The following DYNC1H1 variants were observed in gnomAD, a reference collection of about 807,000 sequenced individuals.
DYNC1H1 encodes cytoplasmic dynein 1 heavy chain 1.
In DYNC1H1, 51 loss-of-function variants were observed where a neutral mutation model predicts 527.1. The observed-to-expected ratio is 0.10, with a 90% CI of 0.08 to 0.12. The LOEUF is 0.12. Ranked by LOEUF, DYNC1H1 falls within the 10% of genes least tolerant of loss-of-function variation. The probability of loss-of-function intolerance (pLI) is 1.00; values close to 1 mark genes in which losing one functional copy is unlikely to be tolerated. For missense variants in DYNC1H1, 2,771 were observed against 5,971.8 expected (o/e 0.46, Z 17.66); for synonymous variants, 2,189 against 2,278.8 (o/e 0.96, Z 1.12).
At position 102,017,737 on chromosome 14, in the gene DYNC1H1, C is replaced by T. The variant is rs897979589; in HGVS notation, c.8177+233C>T. 19 of 662,752 alleles carry T rather than the reference C, an allele frequency of 2.9e-5. No individual in the cohort carries two copies. The highest frequency in any genetic ancestry group is 5.5e-5 in the South Asian group (3 of 54,212). The allele number at this position is 662,752 out of a possible 1,614,324, so 41.1% of individuals were successfully genotyped here. ...ATCCCAGCACTTTGGGAGGCCGAGG[C>T]GGGCGGATCACGAGGTCAGGAGATT... On this transcript the variant is annotated intron_variant, in intron 40 of 77. Coordinates refer to ENST00000360184, the MANE Select transcript of DYNC1H1 (RefSeq NM_001376.5). This position sits in a 1 kb window ranked among gnomAD's most constrained non-coding sequence, Gnocchi z 4.6.
At position 101,994,332 on chromosome 14, in the gene DYNC1H1, A is replaced by T; in HGVS notation, c.3156+8A>T. 1 of 1,614,134 alleles carries T rather than the reference A, an allele frequency of 6.2e-7. No individual in the cohort carries two copies. Among genetic ancestry groups the T allele is most frequent in the Non-Finnish European group, 8.5e-7 (1 of 1,180,036 alleles). ...GTTGAACAGTATGTCAAGGTAAGAA[A>T]CTCCTAATTTCATTCAAATGTGCAT... On this transcript the variant is annotated splice_region_variant and intron_variant, in intron 12 of 77. Transcript: ENST00000360184.
At position 102,011,342 on chromosome 14, in the gene DYNC1H1, A is replaced by G; in HGVS notation, c.6618+390A>G. 1 of 358,678 alleles carries G rather than the reference A, an allele frequency of 2.8e-6. No individual in the cohort carries two copies. Among genetic ancestry groups the G allele is most frequent in the Admixed American group, 4.1e-5 (1 of 24,624 alleles). 22.2% of individuals were successfully genotyped at this position (358,678 alleles called of 1,614,324 possible). ...TTCCTTCCTCTATGTGATTCATTTA[A>G]GAAAAAGTTTATTGTTTACACAAGC... On this transcript the variant is annotated intron_variant, in intron 32 of 77. Coordinates refer to ENST00000360184, the MANE Select transcript of DYNC1H1 (RefSeq NM_001376.5). This position sits in a 1 kb window ranked among gnomAD's most constrained non-coding sequence, Gnocchi z 5.3.
chr14:102,001,081 G>T lies in DYNC1H1; in HGVS notation c.4185+17G>T. The T allele has an allele frequency of 6.2e-7, 1 of 1,613,924 alleles. No homozygotes were observed. The highest frequency in any genetic ancestry group is 2.2e-5 in the East Asian group (1 of 44,884). On this transcript the variant is annotated intron_variant, in intron 19 of 77. Coordinates refer to ENST00000360184, the MANE Select transcript of DYNC1H1 (RefSeq NM_001376.5). This position sits in a 1 kb window ranked among gnomAD's most constrained non-coding sequence, Gnocchi z 5.0. The stretch of plus-strand genomic sequence containing the variant: ...TACATGAAGGTAGGTGGCCAGTATC[G>T]CACGGTGATGAGTGTCCATTAGAAA...
In DYNC1H1 at chr14:102,016,551, A is replaced by C; in HGVS notation, c.7614+62A>C. On this transcript the variant is annotated intron_variant, in intron 37 of 77. Coordinates refer to ENST00000360184, the MANE Select transcript of DYNC1H1 (RefSeq NM_001376.5). This position sits in a 1 kb window ranked among gnomAD's most constrained non-coding sequence, Gnocchi z 7.3. The stretch of plus-strand genomic sequence containing the variant: ...GCCTTGTTGATTTAACTCATCCTGG[A>C]ACAAGCTGACCATGGACCTTGGCTT... The C allele has an allele frequency of 1.9e-6, 3 of 1,613,706 alleles. No individual in the cohort carries two copies. Among genetic ancestry groups the C allele is most frequent in the Non-Finnish European group, 2.5e-6 (3 of 1,179,762 alleles).
rs996413531 is a variant in DYNC1H1 at position 102,017,362 on chromosome 14, G to A, written c.8056-21G>A. ...CTTGTTCAAGTTTTGCTCTTAATGT[G>A]GTACCTGTCCCTTCCTTCAGATGGT... On this transcript the variant is annotated intron_variant, in intron 39 of 77. Transcript: ENST00000360184. The surrounding 1 kb of genome is among the most constrained non-coding windows in gnomAD (Gnocchi z 4.6). 2 of 1,614,182 alleles carry A rather than the reference G, an allele frequency of 1.2e-6. No homozygotes were observed. The highest frequency in any genetic ancestry group is 1.7e-6 in the Non-Finnish European group (2 of 1,180,040).
chr14:102,010,294 C>G lies in DYNC1H1; in HGVS notation c.6240C>G (p.Leu2080=), dbSNP rs2048243538. Residue 2080 remains leucine (L), a synonymous_variant, in exon 31 of 78, where the codon CTC becomes CTG. Coordinates refer to ENST00000360184, the MANE Select transcript of DYNC1H1 (RefSeq NM_001376.5). The surrounding 1 kb of genome is among the most constrained non-coding windows in gnomAD (Gnocchi z 6.0). ...TTTCTAGACTATGCGATGAGCAGCTCTCTTCCCAAAGCCATTATGACTTCG... is the reference window on the plus strand; with the variant it reads ...TTTCTAGACTATGCGATGAGCAGCTGTCTTCCCAAAGCCATTATGACTTCG... ...VPFFKLCDEQ[L]SSQSHYDFGL... 1 of 1,613,982 alleles carries G rather than the reference C, an allele frequency of 6.2e-7. No homozygotes were observed. The highest frequency in any genetic ancestry group is 8.5e-7 in the Non-Finnish European group (1 of 1,180,018).
In DYNC1H1 at chr14:102,034,044, A is replaced by C; in HGVS notation, c.10482A>C (p.Glu3494Asp). Reference sequence around the variant, plus strand: ...GTGAACGATGGGAAAAAACAAGTGAAACTTTCAAAAACCAGATGTCCACCA... The same window carrying C: ...GTGAACGATGGGAAAAAACAAGTGACACTTTCAAAAACCAGATGTCCACCA... ...AERERWEKTS[E>D]TFKNQMSTIA... Residue 3494 changes from glutamate to aspartate, a missense_variant, in exon 55 of 78, where the codon GAA (glutamate) becomes GAC (aspartate). Transcript: ENST00000360184. The C allele has an allele frequency of 6.2e-7, 1 of 1,614,122 alleles. No homozygotes were observed.
chr14:101,994,728 G>C lies in DYNC1H1; in HGVS notation c.3212G>C (p.Arg1071Thr). Residue 1071 changes from arginine (R) to threonine (T), a missense_variant, in exon 13 of 78, where the codon AGA (arginine) becomes ACA (threonine). Physicochemically the swap from Arg to Thr is moderately conservative, Grantham distance 71 (BLOSUM62 -1). Transcript: ENST00000360184. ...WDMQAENIYN[R>T]LGEDLNKWQA... ...ATGCAAGCTGAAAACATCTATAACAGACTTGGAGAAGATCTCAACAAATGG... is the reference window on the plus strand; with the variant it reads ...ATGCAAGCTGAAAACATCTATAACACACTTGGAGAAGATCTCAACAAATGG... 2 of 1,614,216 alleles carry C rather than the reference G, an allele frequency of 1.2e-6. No homozygotes were observed. The highest frequency in any genetic ancestry group is 1.7e-6 in the Non-Finnish European group (2 of 1,180,048).
Position 102,016,865 on chromosome 14 carries a change from C to G in DYNC1H1, c.7714C>G (p.Leu2572Val). ...VAAPDVVVPTLDTVRHEALLY... is the reference protein window; with the variant it reads ...VAAPDVVVPTVDTVRHEALLY... ...AGCCCCTGATGTCGTCGTGCCAACG[C>G]TGGACACAGTCCGCCACGAAGCCCT... Residue 2572 changes from leucine to valine, a missense_variant, in exon 38 of 78, where the codon CTG (leucine) becomes GTG (valine). This residue lies in a region of DYNC1H1 where 71 missense variants were observed against 143.6 expected (regional missense o/e 0.49). Transcript: ENST00000360184. The surrounding 1 kb of genome is among the most constrained non-coding windows in gnomAD (Gnocchi z 7.3). 1 of 1,614,198 alleles carries G rather than the reference C, an allele frequency of 6.2e-7. No individual in the cohort carries two copies.
rs1486247815 is a variant in DYNC1H1, at chr14:101,994,127, C to T, written c.3016-57C>T. On this transcript the variant is annotated intron_variant, in intron 11 of 77. Coordinates refer to ENST00000360184, the MANE Select transcript of DYNC1H1 (RefSeq NM_001376.5). ...CATTTTAATTAAGTAAAAGGTGACACTTAGATTACCATTTTCATATACACT... is the reference window on the plus strand; with the variant it reads ...CATTTTAATTAAGTAAAAGGTGACATTTAGATTACCATTTTCATATACACT... 1.9e-6 allele frequency: 3 copies of T among 1,613,090 alleles called. No homozygotes were observed. The East Asian group carries it at 6.7e-5, about 36-fold the overall frequency.
chr14:101,973,109 G>C (rs1204081152), intron 1 of DYNC1H1, among the ~76,000 whole-genome samples: 1 of 151,810 alleles, frequency 6.6e-6, no homozygotes, highest in Non-Finnish European at 1.5e-5. Context: ...AGAATGTTCT[G>C]CCGCCTACTC....
chr14:102,049,559 T>A lies in DYNC1H1; in HGVS notation c.13492T>A (p.Ser4498Thr). The A allele has an allele frequency of 6.2e-7, 1 of 1,613,864 alleles. No homozygotes were observed. The highest frequency in any genetic ancestry group is 2.2e-5 in the East Asian group (1 of 44,820). Residue 4498 changes from serine (S) to threonine (T), a missense_variant, in exon 75 of 78, where the codon TCT becomes ACT. Around this residue, in one of 32 missense-constraint regions of DYNC1H1, gnomAD observed 170 missense variants for 249.8 expected, o/e 0.68. Coordinates refer to ENST00000360184, the MANE Select transcript of DYNC1H1 (RefSeq NM_001376.5). The surrounding 1 kb of genome is among the most constrained non-coding windows in gnomAD (Gnocchi z 5.5). ...GCAGAACATCTCACTGGCAGCTGCA[T>A]CTGGTGGCGCCAAGGAGCTAAAGGT... ...QLQNISLAAA[S>T]GGAKELKNIH...
chr14:101,982,587 G>A (rs572731118), intron 5 of DYNC1H1, among the ~76,000 whole-genome samples: 3 of 151,864 alleles, frequency 2.0e-5, no homozygotes, highest in Non-Finnish European at 4.4e-5. Flanking sequence ...GCAAAACTCC[G>A]TCTCAAAAAA....
At chr14:101,995,897 C>A (rs1216183731) in intron 15 of DYNC1H1, among the ~76,000 whole-genome samples, 1 of 151,578 alleles carries the variant, frequency 6.6e-6, no homozygotes, top group Admixed American at 6.6e-5. Flanking sequence ...CCCATCTCTA[C>A]AAAAAATATA....
At position 102,041,190 on chromosome 14, in the gene DYNC1H1, A is replaced by G. The variant is rs1378724579; in HGVS notation, c.11942-384A>G. 2 of 359,098 alleles carry G rather than the reference A, an allele frequency of 5.6e-6. No homozygotes were observed. The highest frequency in any genetic ancestry group is 2.4e-5 in the South Asian group (1 of 41,074). 22.2% of individuals were successfully genotyped at this position (359,098 alleles called of 1,614,324 possible). A position where few individuals can be genotyped will look rare whatever the true frequency, so the allele number is the denominator to read the frequency against. ...CTGCAGACAGGAATGGAATGCCATC[A>G]GCCGTTTTTGAGTGTGTTAGGCCAG... On this transcript the variant is annotated intron_variant, in intron 64 of 77. Transcript: ENST00000360184. This position sits in a 1 kb window ranked among gnomAD's most constrained non-coding sequence, Gnocchi z 4.5.
At chr14:102,032,580 A>G (rs1218388308) in intron 52 of DYNC1H1, 113 bp downstream of exon 52, 2 of 1,359,286 alleles carry the variant, frequency 1.5e-6, no homozygotes, top group Non-Finnish European at 2.1e-6. Context: ...GGCCAGGCAC[A>G]GTGGCTCACG....
chr14:102,052,637 A>G lies in DYNC1H1; in HGVS notation c.*2074A>G, dbSNP rs1190610. Reference sequence around the variant, plus strand: ...ATTCTGGGCCCCTTTTCTCTCTCCCAAACCTAGGTGGTGGCCATGCCCCTC... The same window carrying G: ...ATTCTGGGCCCCTTTTCTCTCTCCCGAACCTAGGTGGTGGCCATGCCCCTC... On this transcript the variant is annotated 3_prime_UTR_variant, in exon 78 of 78. Transcript: ENST00000360184. 56,569 of 152,074 alleles carry G rather than the reference A, an allele frequency of 0.37. 14,198 individuals carry two copies. Among genetic ancestry groups the G allele is most frequent in the African/African-American group, 0.72 (30,047 of 41,456 alleles). The allele number at this position is 152,074 out of a possible 1,614,324, so 9.4% of individuals were successfully genotyped here.
intron 52 of DYNC1H1, chr14:102,032,857 A>G (rs936917043): frequency 1.6e-6 from 1 of 613,270 alleles, no homozygotes; most frequent in Non-Finnish European, 2.9e-6. Flanking sequence ...TGTCTCATTA[A>G]AAAAGAAGAA....
At chr14:102,006,674 C>G (rs1792568645) in intron 27 of DYNC1H1, among the ~76,000 whole-genome samples, 1 of 151,650 alleles carries the variant, frequency 6.6e-6, no homozygotes, top group Non-Finnish European at 1.5e-5. Context: ...AACCTTGGCT[C>G]ATTGCAACCT....
Sources: allele counts gnomAD v4.1 joint callset (sites outside exome capture counted in the v4.1 genomes callset), GRCh38; gene constraint gnomAD v4.1.1; regional missense constraint gnomAD v4.1.1; non-coding constraint Gnocchi (gnomAD v3.1); transcripts MANE v1.5; gene names NCBI Gene and HGNC (gene_info 2026-07-23, HGNC 2026-07-21).